The following CYP46A1 variants were observed in gnomAD, a reference collection of about 807,000 sequenced individuals.
The protein encoded by CYP46A1 is cholesterol 24-hydroxylase.
Under a neutral mutation model 63.3 loss-of-function variants are expected in CYP46A1, and 20 were observed. The observed-to-expected ratio is 0.32, with a 90% CI of 0.22 to 0.46. The LOEUF (loss-of-function observed/expected upper bound fraction) is 0.46, where lower values mean the gene tolerates loss of function less well. Ranked by LOEUF, CYP46A1 falls within the 20% of genes least tolerant of loss-of-function variation. CYP46A1 has a pLI of 1.00. For missense variants in CYP46A1, 445 were observed against 670.8 expected, an observed-to-expected ratio of 0.66 and a Z score of 3.72; for synonymous variants, 268 against 273.6, an observed-to-expected ratio of 0.98 and a Z score of 0.20.
intron 1 of CYP46A1, 85 bp downstream of exon 1, chr14:99,684,621 G>T: frequency 3.3e-6 from 4 of 1,229,632 alleles, no homozygotes; most frequent in Non-Finnish European, 4.5e-6. Context: ...CCAGGCCGGG[G>T]GTCCGGCCTC....
chr14:99,696,152 A>T (rs1404213518), intron 3 of CYP46A1, among the ~76,000 whole-genome samples: 1 of 152,110 alleles, frequency 6.6e-6, no homozygotes, highest in East Asian at 1.9e-4. Context: ...TAAATCTACC[A>T]TGTTACTGTT....
chr14:99,710,484 A>G (rs546571280), intron 7 of CYP46A1: 65 of 152,308 alleles, frequency 4.3e-4, no homozygotes, highest in African/African-American at 1.5e-3. Flanking sequence ...AGGAATGGAA[A>G]AAGATATTCC....
chr14:99,707,625 G>A lies in CYP46A1; in HGVS notation c.640G>A (p.Ala214Thr). 6.2e-7 allele frequency: 1 copy of A among 1,614,118 alleles called. No individual in the cohort carries two copies. Among genetic ancestry groups the A allele is most frequent in the Non-Finnish European group, 8.5e-7 (1 of 1,179,998 alleles). ...LLGAQKPLSQAVKLMLEGITA... is the reference protein window; with the variant it reads ...LLGAQKPLSQTVKLMLEGITA... ...GGGTGCCCAGAAGCCTCTGTCCCAG[G>A]CAGTGAAACTTATGTTGGAGGGAAT... Residue 214 changes from alanine (A) to threonine (T), a missense_variant, in exon 7 of 15, where the codon GCA (alanine) becomes ACA (threonine). Physicochemically the swap from Ala to Thr is moderately conservative, Grantham distance 58 (BLOSUM62 0). This residue lies in a region of CYP46A1 where 252 missense variants were observed against 383.3 expected (regional missense o/e 0.66). Coordinates refer to ENST00000261835, the MANE Select transcript of CYP46A1 (RefSeq NM_006668.2).
intron 3 of CYP46A1, among the ~76,000 whole-genome samples, chr14:99,692,689 G>A (rs548938281): frequency 1.3e-5 from 2 of 152,162 alleles, no homozygotes; most frequent in South Asian, 4.1e-4. Context: ...AATTAGCTGG[G>A]TGTGGTGGTG....
rs774247145 is a variant in CYP46A1, at chr14:99,722,113, C to T, written c.1176+47C>T. 2.0e-6 allele frequency: 3 copies of T among 1,466,118 alleles called. No homozygotes were observed. Among genetic ancestry groups the T allele is most frequent in the Middle Eastern group, 1.8e-4 (1 of 5,408 alleles). The allele number at this position is 1,466,118 out of a possible 1,614,324, so 90.8% of individuals were successfully genotyped here. A position where few individuals can be genotyped will look rare whatever the true frequency, so the allele number is the denominator to read the frequency against. ...CCTGGGGTGGGCTGGGCTGCTTGCC[C>T]CAATGGTGGTGAATTTGGGACTCAC... On this transcript the variant is annotated intron_variant, in intron 12 of 14. Transcript: ENST00000261835. The surrounding 1 kb of genome is among the most constrained non-coding windows in gnomAD (Gnocchi z 4.6).
chr14:99,721,169 C>T, intron 10 of CYP46A1, 70 bp from the exon 11 acceptor site: 3 of 1,145,874 alleles, frequency 2.6e-6, no homozygotes, highest in Non-Finnish European at 4.0e-6. Context: ...CCAGTGCCCC[C>T]TTCTTAAAGC....
At chr14:99,691,370 C>T (rs1415839965) in intron 2 of CYP46A1, 18 of 601,948 alleles carry the variant, frequency 3.0e-5, no homozygotes, top group South Asian at 6.4e-5. Context: ...TTAGACCAGC[C>T]GTCAGAAGCT....
intron 3 of CYP46A1, chr14:99,693,639 G>T (rs187796678): frequency 6.6e-6 from 1 of 152,344 alleles, no homozygotes; most frequent in East Asian, 1.9e-4. Flanking sequence ...AAGTTGGGAA[G>T]TGGTAACTTC....
At chr14:99,694,673 A>C (rs952608369) in intron 3 of CYP46A1, among the ~76,000 whole-genome samples, 1 of 151,378 alleles carries the variant, frequency 6.6e-6, no homozygotes, top group Non-Finnish European at 1.5e-5. Flanking sequence ...CTAAATTTTT[A>C]TTTTTTTGGT....
At chr14:99,703,535 T>C (rs2056649840) in intron 5 of CYP46A1, 40 of 971,052 alleles carry the variant, frequency 4.1e-5, no homozygotes, top group Non-Finnish European at 4.9e-5. Flanking sequence ...CCAGCCTTTC[T>C]GGAAACCACT....
chr14:99,700,659 A>G (rs1046538478), intron 5 of CYP46A1, among the ~76,000 whole-genome samples: 5 of 152,234 alleles, frequency 3.3e-5, no homozygotes, highest in African/African-American at 9.6e-5. Context: ...CAGTCATGCC[A>G]AAGTCTAGCA....
chr14:99,689,679 G>A (rs554311656), intron 1 of CYP46A1, among the ~76,000 whole-genome samples: 8 of 152,304 alleles, frequency 5.3e-5, no homozygotes, highest in African/African-American at 1.4e-4. Context: ...CAAACGGCAC[G>A]TTCCAGTATT....
At chr14:99,703,848 G>A (rs1162325754) in intron 5 of CYP46A1, 4 of 985,222 alleles carry the variant, frequency 4.1e-6, no homozygotes, top group Non-Finnish European at 4.8e-6. Context: ...CAATGAATTG[G>A]AATAGTCTCA....
At chr14:99,706,863 T>TCTCTTCCCCTCC in intron 6 of CYP46A1, 78 bp downstream of exon 6, 3 of 1,508,956 alleles carry the variant, frequency 2.0e-6, no homozygotes, top group South Asian at 2.5e-5. Flanking sequence ...TCTTCCCTTC[T>TCTCTTCCCCTCC]CTCTTCCCCT....
intron 1 of CYP46A1, among the ~76,000 whole-genome samples, chr14:99,690,452 C>T (rs1217110873): frequency 1.3e-5 from 2 of 152,142 alleles, no homozygotes; most frequent in African/African-American, 4.8e-5. Flanking sequence ...TGTTGTCACC[C>T]ATTGGGGATG....
At chr14:99,719,214 C>T (rs2056820648) in intron 10 of CYP46A1, among the ~76,000 whole-genome samples, 2 of 152,130 alleles carry the variant, frequency 1.3e-5, no homozygotes, top group South Asian at 4.2e-4. Flanking sequence ...CATCCCCCTC[C>T]ACTATTTTTA....
At chr14:99,691,712 TG>T (rs1358306549) in intron 2 of CYP46A1, 67 bp from the exon 3 acceptor site, 21 of 1,440,228 alleles carry the variant, frequency 1.5e-5, no homozygotes, top group Middle Eastern at 1.7e-4. Context: ...GTTTCTCAGC[TG>T]GGCGGGGTTG....
At chr14:99,717,763 C>T (rs553545202) in intron 9 of CYP46A1, 76 of 370,778 alleles carry the variant, frequency 2.0e-4, no homozygotes, top group African/African-American at 9.9e-4. Context: ...CCTGGGAAGG[C>T]GAGGCCTTGG....
Position 99,691,129 on chromosome 14 carries a change from T to C in CYP46A1, c.168T>C (p.Gly56=). The C allele has an allele frequency of 6.2e-7, 1 of 1,614,230 alleles. No homozygotes were observed. Among genetic ancestry groups the C allele is most frequent in the South Asian group, 1.1e-5 (1 of 91,088 alleles). ...GCTTTTGGAAAAAGGATGAGGTTGGTGGCCGTGTGCTCCAAGATGTGTTTT... is the reference window on the plus strand; with the variant it reads ...GCTTTTGGAAAAAGGATGAGGTTGGCGGCCGTGTGCTCCAAGATGTGTTTT... ...LPCFWKKDEV[G]GRVLQDVFLD... is the part of the protein sequence containing the mutation. Residue 56 remains glycine (G), a synonymous_variant, in exon 2 of 15, where the codon GGT becomes GGC. Coordinates refer to ENST00000261835, the MANE Select transcript of CYP46A1 (RefSeq NM_006668.2).
Sources: allele counts gnomAD v4.1 joint callset (sites outside exome capture counted in the v4.1 genomes callset), GRCh38; gene constraint gnomAD v4.1.1; regional missense constraint gnomAD v4.1.1; non-coding constraint Gnocchi (gnomAD v3.1); transcripts MANE v1.5; gene names NCBI Gene and HGNC (gene_info 2026-07-23, HGNC 2026-07-21).